Variants in CCDC85A observed in about 807,000 individuals in gnomAD.
CCDC85A encodes coiled-coil domain-containing protein 85A.
Under a neutral mutation model 50.2 loss-of-function variants are expected in CCDC85A, and 38 were observed. The observed-to-expected ratio is 0.76, with a 90% CI of 0.58 to 0.99. The LOEUF is 0.99. CCDC85A is among the 50% of genes least tolerant of loss of function. The pLI is 0.00. For synonymous variants in CCDC85A, 366 were observed against 301.4 expected, an observed-to-expected ratio of 1.21 and a Z score of -2.22; for missense variants, 820 against 742.0, an observed-to-expected ratio of 1.11 and a Z score of -1.22.
chr2:56,320,677 C>A (rs992423211), intron 2 of CCDC85A, among the ~76,000 whole-genome samples: 1 of 152,096 alleles, frequency 6.6e-6, no homozygotes, highest in East Asian at 1.9e-4. Context: ...AAGTCCAGGA[C>A]CAGATGGATT....
At chr2:56,317,878 T>C (rs1280988097) in intron 2 of CCDC85A, among the ~76,000 whole-genome samples, 4 of 152,252 alleles carry the variant, frequency 2.6e-5, no homozygotes, top group Middle Eastern at 3.4e-3. Context: ...GGATTACCTA[T>C]GATCGCTTCA....
At chr2:56,217,501 G>A (rs1668122177) in intron 2 of CCDC85A, among the ~76,000 whole-genome samples, 1 of 151,846 alleles carries the variant, frequency 6.6e-6, no homozygotes, top group African/African-American at 2.4e-5. Flanking sequence ...ATTTTTAACT[G>A]GAAGTCATGA....
At chr2:56,263,921 T>A (rs1353034926) in intron 2 of CCDC85A, among the ~76,000 whole-genome samples, 1 of 152,206 alleles carries the variant, frequency 6.6e-6, no homozygotes, top group African/African-American at 2.4e-5. Flanking sequence ...TCCAGTCTTT[T>A]GGCTTCCCTG....
chr2:56,264,115 T>C (rs1670334383), intron 2 of CCDC85A, among the ~76,000 whole-genome samples: 1 of 152,146 alleles, frequency 6.6e-6, no homozygotes, highest in South Asian at 2.1e-4. Flanking sequence ...AGGCTGTGGG[T>C]TGAACAGACT....
In CCDC85A at chr2:56,192,364, C is replaced by A. The variant is rs1021290186; in HGVS notation, c.277-113C>A. On this transcript the variant is annotated intron_variant, in intron 1 of 5. Transcript: ENST00000407595. This position sits in a 1 kb window ranked among gnomAD's most constrained non-coding sequence, Gnocchi z 4.7. Reference sequence around the variant, plus strand: ...GCTTCCTCCTACTCCCTCACCTCCTCCCCTAACCTCACAGGTAATTCACCA... The same window carrying A: ...GCTTCCTCCTACTCCCTCACCTCCTACCCTAACCTCACAGGTAATTCACCA... The A allele has an allele frequency of 1.4e-6, 2 of 1,462,188 alleles. 1 individual carries two copies. Among genetic ancestry groups the A allele is most frequent in the South Asian group, 2.8e-5 (2 of 71,812 alleles). 90.6% of individuals were successfully genotyped at this position (1,462,188 alleles called of 1,614,324 possible).
Position 56,213,484 on chromosome 2 carries a change from G to T in CCDC85A, c.1240+20044G>T, listed in dbSNP as rs73940632. Among the ~76,000 whole-genome samples the T allele has an allele frequency of 6.7e-3, 1,025 of 152,054 alleles. 10 individuals carry two copies. The highest frequency in any genetic ancestry group is 0.024 in the African/African-American group (985 of 41,520). On this transcript the variant is annotated intron_variant, in intron 2 of 5. Coordinates refer to ENST00000407595, the MANE Select transcript of CCDC85A (RefSeq NM_001080433.2). The stretch of plus-strand genomic sequence containing the variant: ...CAGATTTGTGTGTAACTTGGAGCAG[G>T]TTCTTTACCAAGTCAAAGATAAAAT...
chr2:56,279,354 A>G (rs1671102088), intron 2 of CCDC85A, among the ~76,000 whole-genome samples: 1 of 152,136 alleles, frequency 6.6e-6, no homozygotes, highest in African/African-American at 2.4e-5. Flanking sequence ...ACCACCACAC[A>G]ATTTTAAAAC....
intron 1 of CCDC85A, among the ~76,000 whole-genome samples, chr2:56,190,549 AT>A (rs1676251314): frequency 6.6e-6 from 1 of 152,148 alleles, no homozygotes; most frequent in Admixed American, 6.5e-5. Flanking sequence ...TAGACCATAG[AT>A]TGGGGGTGGA....
At chr2:56,370,000 C>G (rs920499776) in intron 3 of CCDC85A, among the ~76,000 whole-genome samples, 7 of 152,064 alleles carry the variant, frequency 4.6e-5, no homozygotes, top group African/African-American at 1.7e-4. Context: ...AGTAAGTAAT[C>G]TATAATTTAC....
chr2:56,361,600 G>C (rs1407252925), intron 3 of CCDC85A, among the ~76,000 whole-genome samples: 1 of 152,190 alleles, frequency 6.6e-6, no homozygotes, highest in African/African-American at 2.4e-5. Context: ...TTGAATAAAG[G>C]AAGTATGGAA....
In CCDC85A at chr2:56,250,138, A is replaced by G. The variant is rs59100796; in HGVS notation, c.1240+56698A>G. On this transcript the variant is annotated intron_variant, in intron 2 of 5. Coordinates refer to ENST00000407595, the MANE Select transcript of CCDC85A (RefSeq NM_001080433.2). ...TTGTGAGAGTGAAGGGCATGGGAGG[A>G]GCATTTGGGTACAGCAGGAAGCATT... is the stretch of plus-strand genomic sequence containing the variant. 2.3e-3 allele frequency among the ~76,000 whole-genome samples: 349 copies of G among 152,288 alleles called. 2 individuals are homozygous for G. The highest frequency in any genetic ancestry group is 8.1e-3 in the African/African-American group (336 of 41,568).
At chr2:56,307,651 T>G (rs538054575) in intron 2 of CCDC85A, among the ~76,000 whole-genome samples, 36 of 152,346 alleles carry the variant, frequency 2.4e-4, no homozygotes, top group Admixed American at 7.2e-4. Context: ...CAAAGTATTC[T>G]TATCTTTATT....
intron 2 of CCDC85A, among the ~76,000 whole-genome samples, chr2:56,245,989 T>C (rs1669492082): frequency 6.6e-6 from 1 of 152,134 alleles, no homozygotes; most frequent in Non-Finnish European, 1.5e-5. Context: ...TAAGACAAGT[T>C]ATTTGGCTCG....
chr2:56,213,943 A>G (rs1677287935), intron 2 of CCDC85A, among the ~76,000 whole-genome samples: 1 of 151,930 alleles, frequency 6.6e-6, no homozygotes, highest in Admixed American at 6.6e-5. Context: ...GTATACAGTC[A>G]ACAGCACGAT....
At chr2:56,321,821 G>A (rs954397348) in intron 2 of CCDC85A, among the ~76,000 whole-genome samples, 3 of 152,120 alleles carry the variant, frequency 2.0e-5, no homozygotes, top group Admixed American at 2.0e-4. Context: ...CCAAAAAAGA[G>A]CCCGCATTGC....
chr2:56,189,586 C>T (rs1440272538), intron 1 of CCDC85A, among the ~76,000 whole-genome samples: 2 of 152,096 alleles, frequency 1.3e-5, no homozygotes, highest in Non-Finnish European at 2.9e-5. Context: ...CCATTGAACC[C>T]AGGTGTTGTT....
intron 2 of CCDC85A, among the ~76,000 whole-genome samples, chr2:56,231,580 G>T (rs1439613882): frequency 2.0e-5 from 3 of 152,082 alleles, no homozygotes; most frequent in Non-Finnish European, 4.4e-5. Flanking sequence ...TGAGTCAGTT[G>T]GGTAAAAGAA....
intron 2 of CCDC85A, among the ~76,000 whole-genome samples, chr2:56,202,571 C>T (rs1322897588): frequency 2.0e-5 from 3 of 152,260 alleles, no homozygotes; most frequent in East Asian, 3.9e-4. Context: ...AAAGGATGGG[C>T]CAGATGGCAA....
chr2:56,214,230 C>T (rs1489380211), intron 2 of CCDC85A, among the ~76,000 whole-genome samples: 1 of 151,946 alleles, frequency 6.6e-6, no homozygotes, highest in African/African-American at 2.4e-5. Context: ...CTTTGGGCCT[C>T]ATTTCTCTCA....
Sources: gnomAD v4.1 joint callset for allele counts (sites outside exome capture counted in the v4.1 genomes callset) on GRCh38, gnomAD v4.1.1 for gene constraint, Gnocchi (gnomAD v3.1) non-coding constraint, MANE v1.5 for transcripts, NCBI Gene and HGNC (gene_info 2026-07-23, HGNC 2026-07-21) for gene names.